The following COL11A1 variants were observed in gnomAD, a reference collection of about 807,000 sequenced individuals.
The protein encoded by COL11A1 is collagen type XI alpha 1 chain, also known as collagen alpha-1(XI) chain.
Under a neutral mutation model 265.2 loss-of-function variants are expected in COL11A1, and 74 were observed. The observed-to-expected ratio is 0.28, with a 90% CI of 0.23 to 0.34. The LOEUF is 0.34. Among genes scored for constraint, COL11A1 ranks in the 10% least tolerant of loss-of-function variants. The pLI, the probability that COL11A1 is intolerant of heterozygous loss-of-function variation, is 1.00. For synonymous variants in COL11A1, 816 were observed against 727.6 expected, an observed-to-expected ratio of 1.12 and a Z score of -1.96; for missense variants, 2,165 against 2,263.6, an observed-to-expected ratio of 0.96 and a Z score of 0.88.
At chr1:103,097,669 GC>G (rs1277170885) in intron 1 of COL11A1, among the ~76,000 whole-genome samples, 2 of 151,932 alleles carry the variant, frequency 1.3e-5, no homozygotes, top group African/African-American at 4.8e-5. Flanking sequence ...CATATAATGA[GC>G]TTTTAACCTG....
In COL11A1 at chr1:102,883,209, T is replaced by G. The variant is rs2101025808; in HGVS notation, c.4961A>C (p.Lys1654Thr). Residue 1654 changes from lysine (K) to threonine (T), a missense_variant, in exon 64 of 67, where the codon AAA (lysine) becomes ACA (threonine). Coordinates refer to ENST00000370096, the MANE Select transcript of COL11A1 (RefSeq NM_001854.4). ...GGETCIYPDK[K>T]SEGVRISSWP... The stretch of plus-strand genomic sequence containing the variant: ...CAGATTGGTACTTACTCCCTCAGAT[T>G]TTTTGTCTGGATAAATGCAAGTCTC... 1.2e-6 allele frequency: 2 copies of G among 1,610,366 alleles called. No homozygotes were observed. Among genetic ancestry groups the G allele is most frequent in the Non-Finnish European group, 1.7e-6 (2 of 1,176,776 alleles).
intron 48 of COL11A1, 129 bp from the exon 49 acceptor site, chr1:102,920,493 G>A (rs913799607): frequency 2.6e-6 from 2 of 761,852 alleles, no homozygotes; most frequent in Non-Finnish European, 2.3e-6. Context: ...TAAAGAATGA[G>A]ACTAAATGAT....
At chr1:102,928,958 T>C (rs1328507057) in intron 46 of COL11A1, among the ~76,000 whole-genome samples, 1 of 69,996 alleles carries the variant, frequency 1.4e-5, no homozygotes, top group African/African-American at 3.2e-5. Flanking sequence ...TTCTTGTAAA[T>C]TTGTTTGAGT....
intron 54 of COL11A1, among the ~76,000 whole-genome samples, chr1:102,910,720 C>T (rs911152903): frequency 6.6e-6 from 1 of 151,874 alleles, no homozygotes; most frequent in Non-Finnish European, 1.5e-5. Context: ...CAACCCAACA[C>T]TAGGGTGGGT....
intron 41 of COL11A1, among the ~76,000 whole-genome samples, chr1:102,949,897 C>T (rs1033309615): frequency 1.3e-5 from 2 of 152,122 alleles, no homozygotes; most frequent in Non-Finnish European, 2.9e-5. Flanking sequence ...GTAAAACAAA[C>T]AAAAAACTTA....
chr1:103,026,947 T>C (rs1039696492), intron 5 of COL11A1, among the ~76,000 whole-genome samples: 2 of 151,996 alleles, frequency 1.3e-5, no homozygotes, highest in African/African-American at 2.4e-5. Flanking sequence ...TCCTTTAGAC[T>C]TTCCTAAGAT....
chr1:103,094,450 T>C (rs1673579277), intron 1 of COL11A1, among the ~76,000 whole-genome samples: 1 of 152,090 alleles, frequency 6.6e-6, no homozygotes, highest in Admixed American at 6.6e-5. Flanking sequence ...TATGAAAACA[T>C]TTTTTAGAGA....
chr1:102,955,285 T>A (rs1570853615), intron 41 of COL11A1, among the ~76,000 whole-genome samples: 1 of 151,962 alleles, frequency 6.6e-6, no homozygotes, highest in Non-Finnish European at 1.5e-5. Flanking sequence ...GGAATTATGA[T>A]AGGAAGAGAA....
At chr1:102,928,468 T>C (rs1656920833) in intron 46 of COL11A1, among the ~76,000 whole-genome samples, 1 of 152,154 alleles carries the variant, frequency 6.6e-6, no homozygotes, top group South Asian at 2.1e-4. Context: ...TCATGGTGTA[T>C]ATGTGCCACA....
chr1:103,005,244 G>T (rs555645201), intron 18 of COL11A1, among the ~76,000 whole-genome samples: 2 of 151,930 alleles, frequency 1.3e-5, no homozygotes, highest in African/African-American at 2.4e-5. Flanking sequence ...TATTAATGCT[G>T]TTAAAGAAAG....
intron 7 of COL11A1, among the ~76,000 whole-genome samples, chr1:103,025,310 CAA>C (rs777525981): frequency 2.0e-5 from 3 of 152,220 alleles, no homozygotes; most frequent in Non-Finnish European, 2.9e-5. Flanking sequence ...CTGCATGAAG[CAA>C]AGAGTCACGC....
intron 41 of COL11A1, among the ~76,000 whole-genome samples, chr1:102,947,338 T>A (rs1659401978): frequency 1.3e-5 from 2 of 152,174 alleles, no homozygotes; most frequent in South Asian, 4.1e-4. Context: ...ATTGGCAGAA[T>A]ACAATCCCTA....
chr1:103,045,147 C>T (rs1191929101), intron 4 of COL11A1, among the ~76,000 whole-genome samples: 1 of 152,000 alleles, frequency 6.6e-6, no homozygotes, highest in East Asian at 1.9e-4. Context: ...CCACAGGTAG[C>T]AACATGGAGA....
At chr1:103,107,270 C>T (rs1432868450) in intron 1 of COL11A1, among the ~76,000 whole-genome samples, 1 of 151,790 alleles carries the variant, frequency 6.6e-6, no homozygotes, top group Non-Finnish European at 1.5e-5. Flanking sequence ...CCACCCTACC[C>T]ACACCCCCTC....
At chr1:102,941,284 A>G (rs531701495) in intron 42 of COL11A1, among the ~76,000 whole-genome samples, 1 of 152,134 alleles carries the variant, frequency 6.6e-6, no homozygotes, top group East Asian at 1.9e-4. Context: ...ACTCTATAAT[A>G]CTGGTATCCT....
chr1:103,100,539 A>G (rs1053359911), intron 1 of COL11A1: 7 of 152,484 alleles, frequency 4.6e-5, no homozygotes, highest in Non-Finnish European at 8.8e-5. Flanking sequence ...CTGAAGAGCT[A>G]TCTGGATTCT....
At chr1:102,912,135 A>G in intron 54 of COL11A1, 24 bp downstream of exon 54, 2 of 1,593,148 alleles carry the variant, frequency 1.3e-6, no homozygotes, top group African/African-American at 1.3e-5. Context: ...CATATGTTTC[A>G]AATAAAGAAT....
intron 24 of COL11A1, among the ~76,000 whole-genome samples, chr1:102,999,380 T>C (rs1184811859): frequency 1.3e-5 from 2 of 151,980 alleles, no homozygotes; most frequent in African/African-American, 4.8e-5. Context: ...CTTAGGTTCC[T>C]ATCCACGTCT....
At chr1:102,904,861 C>T (rs1434343803) in intron 54 of COL11A1, among the ~76,000 whole-genome samples, 1 of 152,026 alleles carries the variant, frequency 6.6e-6, no homozygotes. Flanking sequence ...TTGACCCAGC[C>T]ATCCCATTAC....
Sources: gnomAD v4.1 joint callset for allele counts (sites outside exome capture counted in the v4.1 genomes callset) on GRCh38, gnomAD v4.1.1 for gene constraint, MANE v1.5 for transcripts, NCBI Gene and HGNC (gene_info 2026-07-23, HGNC 2026-07-21) for gene names.